The following DCUN1D3 variants were observed in gnomAD, a reference collection of about 807,000 sequenced individuals.
The protein encoded by DCUN1D3 is defective in cullin neddylation 1 domain containing 3.
In DCUN1D3, 6 loss-of-function variants were observed where a neutral mutation model predicts 24.8. That is an observed-to-expected ratio of 0.24 (90% CI 0.13 to 0.48). DCUN1D3 has a LOEUF of 0.48. Ranked by LOEUF, DCUN1D3 falls within the 20% of genes least tolerant of loss-of-function variation. DCUN1D3 has a pLI of 0.99. For missense variants in DCUN1D3, 258 were observed against 379.4 expected (o/e 0.68, Z 2.66); for synonymous variants, 120 against 144.9 (o/e 0.83, Z 1.24).
At position 20,855,202 on chromosome 16, in the gene DCUN1D3, G is replaced by A. The variant is rs1329111798; in HGVS notation, c.*4684C>T. On this transcript the variant is annotated 3_prime_UTR_variant, in exon 3 of 3. Transcript: ENST00000324344. ...TGAGCAGTGGACTCATCACCTCAGC[G>A]GCTTAAGGCAGGGTATATCTGTGGG... 4 of 152,174 alleles carry A rather than the reference G, an allele frequency of 2.6e-5. No individual in the cohort carries two copies. Among genetic ancestry groups the A allele is most frequent in the African/African-American group, 4.8e-5 (2 of 41,430 alleles). The allele number at this position is 152,174 out of a possible 1,614,324, so 9.4% of individuals were successfully genotyped here.
intron 1 of DCUN1D3, among the ~76,000 whole-genome samples, chr16:20,881,875 TCA>T (rs1217567708): frequency 2.0e-5 from 3 of 152,180 alleles, no homozygotes; most frequent in Non-Finnish European, 4.4e-5. Context: ...CAATTTTGGC[TCA>T]CTGCAACCTC....
At chr16:20,893,981 A>G (rs1377414030) in intron 1 of DCUN1D3, among the ~76,000 whole-genome samples, 1 of 152,180 alleles carries the variant, frequency 6.6e-6, no homozygotes, top group East Asian at 1.9e-4. Flanking sequence ...AAAATAAAGG[A>G]GCAGGCCAGG....
intron 2 of DCUN1D3, among the ~76,000 whole-genome samples, chr16:20,861,734 A>G (rs1464090360): frequency 2.6e-5 from 4 of 151,148 alleles, no homozygotes; most frequent in African/African-American, 9.8e-5. Flanking sequence ...TGAATTAGGC[A>G]AAGGCGTTAT....
Position 20,859,655 on chromosome 16 carries a change from G to T in DCUN1D3, c.*231C>A. On this transcript the variant is annotated 3_prime_UTR_variant, in exon 3 of 3. Coordinates refer to ENST00000324344, the MANE Select transcript of DCUN1D3 (RefSeq NM_173475.4). ...AAAAAGATACACAACATGTAACCAG[G>T]TTCAAATATTCTGGGAGATCCCCCC... 2 of 478,170 alleles carry T rather than the reference G, an allele frequency of 4.2e-6. No homozygotes were observed. The highest frequency in any genetic ancestry group is 7.1e-6 in the Non-Finnish European group (2 of 280,604). The allele number at this position is 478,170 out of a possible 1,614,324, so 29.6% of individuals were successfully genotyped here.
chr16:20,897,533 T>C (rs1187207590), intron 1 of DCUN1D3, among the ~76,000 whole-genome samples: 1 of 152,144 alleles, frequency 6.6e-6, no homozygotes, highest in Non-Finnish European at 1.5e-5. Context: ...TATTGCAACA[T>C]AAACTGCCTC....
In DCUN1D3 at chr16:20,862,411, G is replaced by A. The variant is rs766750785; in HGVS notation, c.128C>T (p.Pro43Leu). The A allele has an allele frequency of 1.9e-5, 30 of 1,613,830 alleles. No homozygotes were observed. Among genetic ancestry groups the A allele is most frequent in the Non-Finnish European group, 2.3e-5 (27 of 1,180,030 alleles). ...GATATCTCCACCTGGCTTGCCACAGGGTGGTACCTGCTCCTCACGGTGGCC... is the reference window on the plus strand; with the variant it reads ...GATATCTCCACCTGGCTTGCCACAGAGTGGTACCTGCTCCTCACGGTGGCC... Reference protein sequence around the residue: ...GAGHREEQVPPCGKPGGDILV... With the variant: ...GAGHREEQVPLCGKPGGDILV... The change falls in exon 2 of 3, where the codon CCC becomes CTC. Residue 43 changes from proline to leucine, a missense_variant. Pro to Leu is a moderately conservative substitution (Grantham distance 98). Coordinates refer to ENST00000324344, the MANE Select transcript of DCUN1D3 (RefSeq NM_173475.4).
chr16:20,869,678 A>G (rs575441195), intron 1 of DCUN1D3, among the ~76,000 whole-genome samples: 13 of 152,350 alleles, frequency 8.5e-5, no homozygotes, highest in African/African-American at 3.1e-4. Flanking sequence ...TATTAATAAC[A>G]ATATTGTAAA....
At chr16:20,861,768 A>G (rs185707230) in intron 2 of DCUN1D3, among the ~76,000 whole-genome samples, 203 of 152,014 alleles carry the variant, frequency 1.3e-3, no homozygotes, top group South Asian at 9.1e-3. Flanking sequence ...AAAGAAAAAG[A>G]AAAAGAAAAA....
intron 1 of DCUN1D3, among the ~76,000 whole-genome samples, chr16:20,883,746 C>G (rs1303440742): frequency 2.6e-5 from 4 of 152,114 alleles, no homozygotes; most frequent in Non-Finnish European, 5.9e-5. Context: ...GAAAAGGCAA[C>G]TGGAAAGATT....
chr16:20,884,848 C>A (rs764067002), intron 1 of DCUN1D3, among the ~76,000 whole-genome samples: 1 of 152,068 alleles, frequency 6.6e-6, no homozygotes, highest in African/African-American at 2.4e-5. Flanking sequence ...AAATGAAGTT[C>A]GAGGTTGCAG....
Position 20,855,974 on chromosome 16 carries a change from G to C in DCUN1D3, c.*3912C>G, listed in dbSNP as rs1243682136. 6.6e-6 allele frequency: 1 copy of C among 152,192 alleles called. No individual in the cohort carries two copies. Among genetic ancestry groups the C allele is most frequent in the Non-Finnish European group, 1.5e-5 (1 of 68,038 alleles). The allele number at this position is 152,192 out of a possible 1,614,324, so 9.4% of individuals were successfully genotyped here. Reference sequence around the variant, plus strand: ...CTTTGTCAGTTACCAAGATGCTCAAGTCATAGCTAACCAAACATGAGAGAC... The same window carrying C: ...CTTTGTCAGTTACCAAGATGCTCAACTCATAGCTAACCAAACATGAGAGAC... On this transcript the variant is annotated 3_prime_UTR_variant, in exon 3 of 3. Transcript: ENST00000324344.
intron 1 of DCUN1D3, among the ~76,000 whole-genome samples, chr16:20,865,128 C>A (rs1394697324): frequency 6.6e-6 from 1 of 151,036 alleles, no homozygotes; most frequent in Non-Finnish European, 1.5e-5. Flanking sequence ...TGACATGTAC[C>A]CCCAAACCTA....
intron 1 of DCUN1D3, among the ~76,000 whole-genome samples, chr16:20,880,948 AT>A (rs972593008): frequency 1.3e-5 from 2 of 151,528 alleles, no homozygotes; most frequent in Middle Eastern, 3.4e-3. Context: ...TTTCAAAGCT[AT>A]TTTTTTTTAA....
At chr16:20,896,320 T>C (rs1400865010) in intron 1 of DCUN1D3, 2 of 152,184 alleles carry the variant, frequency 1.3e-5, no homozygotes, top group Non-Finnish European at 2.9e-5. Context: ...ACAACTCCAA[T>C]AGCAAGTGGC....
At chr16:20,899,369 A>G (rs577106813) in intron 1 of DCUN1D3, among the ~76,000 whole-genome samples, 1 of 152,324 alleles carries the variant, frequency 6.6e-6, no homozygotes, top group Non-Finnish European at 1.5e-5. Context: ...GAATTCCAGT[A>G]TTCATAAAAG....
intron 1 of DCUN1D3, among the ~76,000 whole-genome samples, chr16:20,897,057 CA>C (rs1286544635): frequency 5.9e-5 from 9 of 152,192 alleles, no homozygotes; most frequent in African/African-American, 1.7e-4. Context: ...TCGTTTTCCC[CA>C]AACACTAAAA....
At chr16:20,870,616 C>T (rs2081783591) in intron 1 of DCUN1D3, among the ~76,000 whole-genome samples, 1 of 152,204 alleles carries the variant, frequency 6.6e-6, no homozygotes, top group South Asian at 2.1e-4. Context: ...TCAGTGTCAG[C>T]AAAGCACTTG....
At chr16:20,865,635 C>T (rs1202856648) in intron 1 of DCUN1D3, among the ~76,000 whole-genome samples, 1 of 152,180 alleles carries the variant, frequency 6.6e-6, no homozygotes, top group Non-Finnish European at 1.5e-5. Context: ...GTCAGTCACC[C>T]GGGCCTCCCC....
intron 1 of DCUN1D3, among the ~76,000 whole-genome samples, chr16:20,875,950 A>AATC (rs1567425901): frequency 6.6e-6 from 1 of 151,982 alleles, no homozygotes; most frequent in African/African-American, 2.4e-5. Context: ...TAATAATAAT[A>AATC]ATCTGATTTT....
Sources: gnomAD v4.1 joint callset for allele counts (sites outside exome capture counted in the v4.1 genomes callset) on GRCh38, gnomAD v4.1.1 for gene constraint, MANE v1.5 for transcripts, NCBI Gene and HGNC (gene_info 2026-07-23, HGNC 2026-07-21) for gene names.